Variants in OR1J2 observed in about 807,000 individuals in gnomAD.
OR1J2 encodes the protein olfactory receptor 1J2.
For missense variants in OR1J2, 304 were observed against 246.1 expected (o/e 1.24, Z -1.57); for synonymous variants, 142 against 99.7 (o/e 1.42, Z -2.52).
chr9:122,464,600 G>T, the OR1J2 span, among the ~76,000 whole-genome samples: 1 of 152,176 alleles, frequency 6.6e-6, no homozygotes, highest in South Asian at 2.1e-4. Flanking sequence ...CCTCCTATCC[G>T]CCATTTTCCC....
At chr9:122,548,790 C>G in the OR1J2 span, among the ~76,000 whole-genome samples, 1 of 80,036 alleles carries the variant, frequency 1.2e-5, no homozygotes. Context: ...GTGATGTTCC[C>G]CTTCCTGTGT....
chr9:122,563,598 C>T, the OR1J2 span, among the ~76,000 whole-genome samples: 13 of 152,254 alleles, frequency 8.5e-5, no homozygotes, highest in African/African-American at 3.1e-4. Context: ...CTCTGCTGCG[C>T]AGATGCAATT....
chr9:122,533,341 A>G, the OR1J2 span, among the ~76,000 whole-genome samples: 1 of 152,206 alleles, frequency 6.6e-6, no homozygotes, highest in Non-Finnish European at 1.5e-5. Context: ...GCGAATGATA[A>G]CAGGCTCTAA....
chr9:122,562,892 A>G, the OR1J2 span, among the ~76,000 whole-genome samples: 1 of 152,198 alleles, frequency 6.6e-6, no homozygotes, highest in Non-Finnish European at 1.5e-5. Flanking sequence ...TTGTGCACAT[A>G]TAGCACTTAA....
chr9:122,473,388 TA>T, the OR1J2 span, among the ~76,000 whole-genome samples: 3 of 152,178 alleles, frequency 2.0e-5, no homozygotes, highest in Non-Finnish European at 4.4e-5. Context: ...ATCATCTCTC[TA>T]AAAGTATTCC....
At chr9:122,563,721 TTGTCTAG>T in the OR1J2 span, among the ~76,000 whole-genome samples, 64 of 152,344 alleles carry the variant, frequency 4.2e-4, no homozygotes, top group African/African-American at 1.5e-3. Context: ...CCCTATGGCT[TTGTCTAG>T]TATTTTCATA....
chr9:122,487,209 G>A, the OR1J2 span, among the ~76,000 whole-genome samples: 6 of 151,900 alleles, frequency 3.9e-5, no homozygotes, highest in African/African-American at 1.5e-4. Flanking sequence ...TTGCATGTAG[G>A]TATGTTTATA....
At chr9:122,477,459 AGCACAC>A in the OR1J2 span, 1 of 1,614,026 alleles carries the variant, frequency 6.2e-7, no homozygotes, top group Non-Finnish European at 8.5e-7. Context: ...TATGCAAAAG[AGCACAC>A]GCACAAGCGA....
chr9:122,571,714 CAAA>C, the OR1J2 span, among the ~76,000 whole-genome samples: 1 of 124,362 alleles, frequency 8.0e-6, no homozygotes, highest in Non-Finnish European at 1.7e-5. Context: ...GACTCAGTCT[CAAA>C]AAAAAAAAAA....
the OR1J2 span, among the ~76,000 whole-genome samples, chr9:122,544,415 CTTTT>C: frequency 8.2e-5 from 7 of 85,358 alleles, no homozygotes; most frequent in East Asian, 7.8e-4. Flanking sequence ...CCTCTTTTTT[CTTTT>C]TTTTTTTTTT....
the OR1J2 span, among the ~76,000 whole-genome samples, chr9:122,524,708 C>T: frequency 2.6e-5 from 4 of 152,052 alleles, no homozygotes; most frequent in African/African-American, 4.8e-5. Context: ...AACCAGAAGG[C>T]GACATAGACA....
chr9:122,517,528 T>A, the OR1J2 span, among the ~76,000 whole-genome samples: 2 of 152,196 alleles, frequency 1.3e-5, no homozygotes, highest in African/African-American at 2.4e-5. Context: ...TTTCTCCCAA[T>A]TAAGAACTGT....
chr9:122,487,688 C>G, the OR1J2 span, among the ~76,000 whole-genome samples: 1 of 152,216 alleles, frequency 6.6e-6, no homozygotes, highest in African/African-American at 2.4e-5. Flanking sequence ...CACAAGGCTA[C>G]AGCAAGAGTA....
the OR1J2 span, among the ~76,000 whole-genome samples, chr9:122,525,773 A>T: frequency 2.6e-5 from 4 of 152,184 alleles, no homozygotes; most frequent in African/African-American, 4.8e-5. Flanking sequence ...TAAACATTGA[A>T]TTTGAACCTT....
chr9:122,465,085 C>T, the OR1J2 span, among the ~76,000 whole-genome samples: 1 of 152,008 alleles, frequency 6.6e-6, no homozygotes, highest in East Asian at 1.9e-4. Context: ...GCCATTAGGG[C>T]AATTGCCACC....
chr9:122,448,947 G>A, the OR1J2 span: 2 of 147,150 alleles, frequency 1.4e-5, no homozygotes, highest in Middle Eastern at 7.0e-3. Context: ...AGACCAGCTT[G>A]GGCAACAGAG....
At chr9:122,451,660 T>C in the OR1J2 span, among the ~76,000 whole-genome samples, 2 of 152,254 alleles carry the variant, frequency 1.3e-5, no homozygotes, top group Non-Finnish European at 2.9e-5. Context: ...TCATTTATTT[T>C]TTATAAAGTA....
the OR1J2 span, among the ~76,000 whole-genome samples, chr9:122,569,033 G>A: frequency 6.6e-6 from 1 of 151,788 alleles, no homozygotes; most frequent in South Asian, 2.1e-4. Flanking sequence ...GTGTCACGCT[G>A]AAGTTTATCT....
the OR1J2 span, among the ~76,000 whole-genome samples, chr9:122,451,303 G>A: frequency 3.3e-5 from 5 of 151,606 alleles, no homozygotes; most frequent in African/African-American, 7.3e-5. Context: ...CTCCTGCCTC[G>A]GCCTCGTGAG....
Sources: allele counts gnomAD v4.1 joint callset (sites outside exome capture counted in the v4.1 genomes callset), GRCh38; gene constraint gnomAD v4.1.1; transcripts MANE v1.5; gene names NCBI Gene and HGNC (gene_info 2026-07-23, HGNC 2026-07-21).